The following F8 variants were observed in gnomAD, a reference collection of about 807,000 sequenced individuals.
F8 encodes the protein antihemophilic factor.
In F8, 12 loss-of-function variants were observed where a neutral mutation model predicts 140.6. The ratio of observed to expected loss-of-function variants is 0.09; its 90% CI spans 0.05 to 0.14. The LOEUF is 0.14. Ranked by LOEUF, F8 falls within the 10% of genes least tolerant of loss-of-function variation. F8 has a pLI of 1.00. For missense variants in F8, 1,354 were observed against 1,720.7 expected (o/e 0.79, Z 3.77); for synonymous variants, 585 against 614.6 (o/e 0.95, Z 0.71).
chrX:154,920,748 C>G (rs1372680380), intron 14 of F8, among the ~76,000 whole-genome samples: 1 of 112,015 alleles, frequency 8.9e-6, no homozygotes, highest in Non-Finnish European at 1.9e-5. Flanking sequence ...GCCACTGTGC[C>G]CAGCCTATTT....
At chrX:154,935,981 A>AACACACACACACAC (rs782071576) in intron 13 of F8, among the ~76,000 whole-genome samples, 3 of 88,320 alleles carry the variant, frequency 3.4e-5, no homozygotes, top group African/African-American at 1.3e-4. Flanking sequence ...ATGCCAAAGT[A>AACACACACACACAC]ACACACACAC....
chrX:154,956,529 G>A (rs781891382), intron 11 of F8, among the ~76,000 whole-genome samples: 3 of 112,087 alleles, frequency 2.7e-5, no homozygotes, highest in South Asian at 3.7e-4. Context: ...TTCTTCTGCC[G>A]TGGCTTCAGC....
chrX:154,892,250 C>A, intron 22 of F8, among the ~76,000 whole-genome samples: 1 of 112,599 alleles, frequency 8.9e-6, no homozygotes, highest in East Asian at 2.8e-4. Context: ...ATGCATGCAT[C>A]CTGATTTTCC....
intron 6 of F8, among the ~76,000 whole-genome samples, chrX:154,972,982 G>T (rs1197749529): frequency 9.0e-6 from 1 of 111,132 alleles, no homozygotes; most frequent in Admixed American, 9.5e-5. Context: ...CAAAGTGCTG[G>T]GATTACAGGC....
In F8 at chrX:154,929,367, G is replaced by T; in HGVS notation, c.4423C>A (p.Gln1475Lys). Residue 1475 changes from glutamine to lysine, a missense_variant, in exon 14 of 26, where the codon CAA becomes AAA. Physicochemically the swap from Gln to Lys is moderately conservative, Grantham distance 53. This residue lies in a region of F8 where 658 missense variants were observed against 666.5 expected (regional missense o/e 0.99). Transcript: ENST00000360256. ...GTCCCCAGGGAGCCAACCTCTCTTT[G>T]ATCACCAGTCATCTCCAAGGTTAGA... The part of the protein sequence containing the change: ...AILTLEMTGD[Q>K]REVGSLGTSA... 8.3e-7 allele frequency: 1 copy of T among 1,211,696 alleles called. No homozygotes were observed. The highest frequency in any genetic ancestry group is 1.1e-6 in the Non-Finnish European group (1 of 895,400).
intron 25 of F8, among the ~76,000 whole-genome samples, chrX:154,846,841 T>G (rs1203614974): frequency 2.0e-4 from 22 of 111,943 alleles, no homozygotes; most frequent in African/African-American, 5.9e-4. Flanking sequence ...GTTAGCTGGT[T>G]ATTTTGCTCA....
intron 14 of F8, among the ~76,000 whole-genome samples, chrX:154,923,654 G>A (rs1050934727): frequency 1.8e-5 from 2 of 112,411 alleles, no homozygotes; most frequent in African/African-American, 6.5e-5. Flanking sequence ...GGCCAATATG[G>A]TGAAACCCCA....
Position 154,966,548 on chromosome X carries a change from G to A in F8, c.1149C>T (p.Asn383=), listed in dbSNP as rs1233001663. Residue 383 remains asparagine (N), a synonymous_variant, in exon 8 of 26, where the codon AAC becomes AAT. Transcript: ENST00000360256. ...EMDVVRFDDD[N]SPSFIQIRSV... The stretch of plus-strand genomic sequence containing the variant: ...AGCGAATTTGGATAAAGGAAGGAGA[G>A]TTGTCATCATCAAACCTGACCACAT... The A allele has an allele frequency of 1.7e-6, 2 of 1,209,583 alleles. No homozygotes were observed. Among genetic ancestry groups the A allele is most frequent in the Admixed American group, 2.2e-5 (1 of 45,678 alleles).
At chrX:154,838,727 G>A (rs951507948) in intron 25 of F8, among the ~76,000 whole-genome samples, 7 of 111,455 alleles carry the variant, frequency 6.3e-5, no homozygotes, top group Admixed American at 4.8e-4. Context: ...GTTTTACTTC[G>A]GATTCCAAAT....
chrX:154,938,890 T>C (rs1427815355), intron 13 of F8, among the ~76,000 whole-genome samples: 6 of 109,580 alleles, frequency 5.5e-5, no homozygotes, highest in Admixed American at 4.8e-4. Flanking sequence ...TGTAAATATA[T>C]ATATATATAT....
intron 22 of F8, among the ~76,000 whole-genome samples, chrX:154,865,901 A>C (rs1557273127): frequency 9.0e-6 from 1 of 111,599 alleles, no homozygotes; most frequent in African/African-American, 3.3e-5. Context: ...CCCAGTCAAA[A>C]GACACAGAGT....
chrX:154,982,697 C>G (rs1309467572), intron 6 of F8, among the ~76,000 whole-genome samples: 2 of 110,507 alleles, frequency 1.8e-5, no homozygotes, highest in Non-Finnish European at 3.8e-5. Flanking sequence ...GTAGCCATCT[C>G]CTATTGTTAT....
At chrX:154,842,073 G>A (rs1557271372) in intron 25 of F8, among the ~76,000 whole-genome samples, 1 of 111,675 alleles carries the variant, frequency 9.0e-6, no homozygotes, top group Non-Finnish European at 1.9e-5. Flanking sequence ...TTAACACTAA[G>A]TTTGGAAAAT....
rs782344660 is a variant in F8 at position 154,911,247 on chromosome X, C to G, written c.5220-4674G>C. On this transcript the variant is annotated intron_variant, in intron 14 of 25. Transcript: ENST00000360256. ...TGTCTTATTTCTTTTCTCAGTCTCT[C>G]GTCCCACCTGACGAGAAACACCCAC... Among the ~76,000 whole-genome samples the G allele has an allele frequency of 1.3e-4, 14 of 108,122 alleles. No individual in the cohort carries two copies. In the Admixed American group the frequency reaches 1.4e-3, roughly 11 times the overall value. 93.9% of individuals were successfully genotyped at this position (108,122 alleles called of 115,157 possible).
intron 25 of F8, among the ~76,000 whole-genome samples, chrX:154,843,944 A>C (rs1409874706): frequency 1.6e-4 from 18 of 111,419 alleles, no homozygotes; most frequent in Non-Finnish European, 5.7e-5. Flanking sequence ...TAAGTCTTTA[A>C]TCCATCTTGA....
At chrX:154,904,612 A>C in intron 16 of F8, 88 bp from the exon 17 acceptor site, 1 of 875,991 alleles carries the variant, frequency 1.1e-6, no homozygotes, top group Admixed American at 2.3e-5. Flanking sequence ...ATGCCAGTCC[A>C]ACCTGCCTCC....
chrX:154,904,630 CA>C, intron 16 of F8, 106 bp from the exon 17 acceptor site: 1 of 805,667 alleles, frequency 1.2e-6, no homozygotes, highest in Non-Finnish European at 1.9e-6. Context: ...TCCCACCTTC[CA>C]AAAATATAAT....
rs2073316279 is a variant in F8, at chrX:154,948,035, T to C, written c.1904-128A>G. ...TTATCTTATTCCCAGGAAGAGATAT[T>C]ATATCTTCCAAAAAAGTAGATTGTT... On this transcript the variant is annotated intron_variant, in intron 12 of 25. Transcript: ENST00000360256. 21 of 568,406 alleles carry C rather than the reference T, an allele frequency of 3.7e-5. No individual in the cohort carries two copies. In the South Asian group the frequency reaches 5.5e-4, roughly 15 times the overall value. 46.8% of individuals were successfully genotyped at this position (568,406 alleles called of 1,213,427 possible).
At position 154,837,495 on chromosome X, in the gene F8, C is replaced by A. The variant is rs781966813; in HGVS notation, c.*102G>T. The stretch of plus-strand genomic sequence containing the variant: ...TCAGGAGGCTTCAAGGCAGTGTCTG[C>A]TAGGATTTAGCACAAAGGTAGAAGG... On this transcript the variant is annotated 3_prime_UTR_variant, in exon 26 of 26. Transcript: ENST00000360256. 8 of 975,207 alleles carry A rather than the reference C, an allele frequency of 8.2e-6. No individual in the cohort carries two copies. The African/African-American group carries it at 1.5e-4, about 19-fold the overall frequency. The allele number at this position is 975,207 out of a possible 1,213,427, so 80.4% of individuals were successfully genotyped here.
Sources: allele counts gnomAD v4.1 joint callset (sites outside exome capture counted in the v4.1 genomes callset), GRCh38; gene constraint gnomAD v4.1.1; regional missense constraint gnomAD v4.1.1; transcripts MANE v1.5; gene names NCBI Gene and HGNC (gene_info 2026-07-23, HGNC 2026-07-21).